Variants in FAM124A observed in about 807,000 individuals in gnomAD.
FAM124A encodes protein FAM124A.
In FAM124A, 23 loss-of-function variants were observed where a neutral mutation model predicts 24.5. That is an observed-to-expected ratio of 0.94 (90% CI 0.68 to 1.33). FAM124A has a LOEUF of 1.33. Ranked by LOEUF, FAM124A falls within the 40% of genes most tolerant of loss-of-function variation. The pLI is 0.00. For synonymous variants in FAM124A, 287 were observed against 314.7 expected, an observed-to-expected ratio of 0.91 and a Z score of 0.93; for missense variants, 623 against 722.8, an observed-to-expected ratio of 0.86 and a Z score of 1.58.
intron 2 of FAM124A, among the ~76,000 whole-genome samples, chr13:51,236,836 T>G (rs1026745570): frequency 6.8e-5 from 10 of 146,976 alleles, no homozygotes; most frequent in Non-Finnish European, 6.1e-5. Flanking sequence ...CATTTGTAAA[T>G]GTTAGAGTCT....
Position 51,280,775 on chromosome 13 carries a change from C to G in FAM124A, c.1160C>G (p.Ala387Gly). 1 of 1,614,218 alleles carries G rather than the reference C, an allele frequency of 6.2e-7. No individual in the cohort carries two copies. The highest frequency in any genetic ancestry group is 8.5e-7 in the Non-Finnish European group (1 of 1,180,046). Reference sequence around the variant, plus strand: ...CCACAGTGGTTTTCAAACACAGGTGCCCCAGGGCACAGGGCATCAGAGTGG... The same window carrying G: ...CCACAGTGGTTTTCAAACACAGGTGGCCCAGGGCACAGGGCATCAGAGTGG... ...AEPQWFSNTGAPGHRASEWRH... is the reference protein window; with the variant it reads ...AEPQWFSNTGGPGHRASEWRH... Residue 387 changes from alanine to glycine, a missense_variant, in exon 4 of 4, where the codon GCC (alanine) becomes GGC (glycine). By Grantham distance (60) the Ala-to-Gly change is moderately conservative. Coordinates refer to ENST00000322475, the MANE Select transcript of FAM124A (RefSeq NM_001242312.2).
intron 3 of FAM124A, among the ~76,000 whole-genome samples, chr13:51,259,532 C>G (rs1160363325): frequency 2.0e-5 from 3 of 152,096 alleles, no homozygotes; most frequent in Admixed American, 6.5e-5. Context: ...GGCTGCCTCA[C>G]CCCCGCAGGT....
chr13:51,268,297 T>C (rs551504197), intron 3 of FAM124A, among the ~76,000 whole-genome samples: 62 of 152,310 alleles, frequency 4.1e-4, no homozygotes, highest in East Asian at 7.7e-4. Flanking sequence ...AAAGGAGTAA[T>C]GAGAACGGCT....
intron 2 of FAM124A, among the ~76,000 whole-genome samples, chr13:51,244,176 C>T (rs1049740549): frequency 9.9e-5 from 15 of 152,154 alleles, no homozygotes; most frequent in African/African-American, 2.2e-4. Flanking sequence ...ACTGGAATGG[C>T]GCACAGCAGT....
At chr13:51,234,880 G>A (rs1954419752) in intron 2 of FAM124A, among the ~76,000 whole-genome samples, 1 of 152,154 alleles carries the variant, frequency 6.6e-6, no homozygotes, top group East Asian at 1.9e-4. Context: ...TGTGGTGAGA[G>A]GCAGCAGCTC....
chr13:51,222,501 C>T lies in FAM124A; in HGVS notation c.-1C>T. Reference sequence around the variant, plus strand: ...AGCCGAGCGCGGCCGGGACGTGCACCATGGACCCAAAGGCGGGCGGCGGCG... The same window carrying T: ...AGCCGAGCGCGGCCGGGACGTGCACTATGGACCCAAAGGCGGGCGGCGGCG... On this transcript the variant is annotated 5_prime_UTR_variant, in exon 1 of 4. Coordinates refer to ENST00000322475, the MANE Select transcript of FAM124A (RefSeq NM_001242312.2). The T allele has an allele frequency of 1.6e-6, 2 of 1,226,380 alleles. No individual in the cohort carries two copies. The highest frequency in any genetic ancestry group is 2.0e-6 in the Non-Finnish European group (2 of 986,244). 76.0% of individuals were successfully genotyped at this position (1,226,380 alleles called of 1,614,324 possible). A position where few individuals can be genotyped will look rare whatever the true frequency, so the allele number is the denominator to read the frequency against.
At chr13:51,257,380 TCTC>T (rs1302803730) in intron 3 of FAM124A, among the ~76,000 whole-genome samples, 1 of 152,308 alleles carries the variant, frequency 6.6e-6, no homozygotes, top group East Asian at 1.9e-4. Context: ...CACATGGTAT[TCTC>T]CACTAGGAGG....
intron 2 of FAM124A, among the ~76,000 whole-genome samples, chr13:51,243,865 C>T (rs762186329): frequency 4.6e-5 from 7 of 152,090 alleles, no homozygotes; most frequent in South Asian, 2.1e-4. Flanking sequence ...CAGTGTCAGC[C>T]GGTGCCCTGG....
chr13:51,243,976 A>T (rs1411316604), intron 2 of FAM124A, among the ~76,000 whole-genome samples: 3 of 152,096 alleles, frequency 2.0e-5, no homozygotes, highest in Non-Finnish European at 4.4e-5. Context: ...CCCCCAAGCC[A>T]CTCAGTGCCG....
At chr13:51,263,192 C>T (rs1170643542) in intron 3 of FAM124A, among the ~76,000 whole-genome samples, 1 of 152,022 alleles carries the variant, frequency 6.6e-6, no homozygotes, top group East Asian at 1.9e-4. Context: ...ACAGGGGCTC[C>T]GTCCATCTGC....
At chr13:51,225,077 G>A (rs1018896577) in intron 1 of FAM124A, 1 of 152,102 alleles carries the variant, frequency 6.6e-6, no homozygotes, top group African/African-American at 2.4e-5. Context: ...AAAATGATGT[G>A]CTTTGTGAAT....
chr13:51,265,757 T>C (rs1187927254), intron 3 of FAM124A, among the ~76,000 whole-genome samples: 1 of 151,592 alleles, frequency 6.6e-6, no homozygotes, highest in Admixed American at 6.6e-5. Context: ...CACCATTAGC[T>C]GAATTTGGTA....
chr13:51,237,662 A>G (rs1954449310), intron 2 of FAM124A, among the ~76,000 whole-genome samples: 1 of 152,196 alleles, frequency 6.6e-6, no homozygotes, highest in Non-Finnish European at 1.5e-5. Context: ...GAAATGCTGT[A>G]CATCTGTACA....
intron 3 of FAM124A, among the ~76,000 whole-genome samples, chr13:51,271,151 T>A (rs1593609736): frequency 6.6e-6 from 1 of 152,080 alleles, no homozygotes; most frequent in Non-Finnish European, 1.5e-5. Context: ...GAGGGGGAAA[T>A]GTGAATGCTA....
chr13:51,243,692 C>T (rs1224204577), intron 2 of FAM124A, among the ~76,000 whole-genome samples: 2 of 152,114 alleles, frequency 1.3e-5, no homozygotes, highest in Non-Finnish European at 2.9e-5. Context: ...CGCCACCACA[C>T]CCGGCTAATT....
chr13:51,261,185 G>T (rs1954732937), intron 3 of FAM124A, among the ~76,000 whole-genome samples: 1 of 152,122 alleles, frequency 6.6e-6, no homozygotes, highest in Non-Finnish European at 1.5e-5. Flanking sequence ...GGTATTCCCT[G>T]GGCAGGGGTG....
intron 3 of FAM124A, among the ~76,000 whole-genome samples, chr13:51,259,724 G>C (rs1393786162): frequency 6.6e-6 from 1 of 152,136 alleles, no homozygotes; most frequent in East Asian, 1.9e-4. Flanking sequence ...AGCTGCCAGC[G>C]CACGGCAGCT....
chr13:51,266,070 T>C (rs1225719402), intron 3 of FAM124A, among the ~76,000 whole-genome samples: 5 of 151,058 alleles, frequency 3.3e-5, no homozygotes, highest in Admixed American at 6.6e-5. Context: ...AAGTGGTGGG[T>C]CTAGGGGTGT....
At chr13:51,230,975 G>A (rs1279087269) in intron 1 of FAM124A, among the ~76,000 whole-genome samples, 1 of 152,218 alleles carries the variant, frequency 6.6e-6, no homozygotes, top group Non-Finnish European at 1.5e-5. Flanking sequence ...GCGAATATTT[G>A]AAGGGTGCTC....
Sources: gnomAD v4.1 joint callset for allele counts (sites outside exome capture counted in the v4.1 genomes callset) on GRCh38, gnomAD v4.1.1 for gene constraint, MANE v1.5 for transcripts, NCBI Gene and HGNC (gene_info 2026-07-23, HGNC 2026-07-21) for gene names.